The following DSCAML1 variants were observed in gnomAD, a reference collection of about 807,000 sequenced individuals.
DSCAML1 encodes the protein DS cell adhesion molecule like 1.
A neutral mutation model predicts 200.5 loss-of-function variants in DSCAML1; 38 were observed. That is an observed-to-expected ratio of 0.19 (90% CI 0.15 to 0.25). The LOEUF is 0.25. DSCAML1 is among the 10% of genes least tolerant of loss of function. The probability of loss-of-function intolerance (pLI) is 1.00; values close to 1 mark genes in which losing one functional copy is unlikely to be tolerated. For missense variants in DSCAML1, 2,223 were observed against 2,858.8 expected (o/e 0.78, Z 5.07); for synonymous variants, 1,215 against 1,165.0 (o/e 1.04, Z -0.87).
chr11:117,439,688 C>G (rs1031310850), intron 22 of DSCAML1, 131 bp downstream of exon 22: 2 of 909,048 alleles, frequency 2.2e-6, no homozygotes, highest in South Asian at 1.5e-5. Context: ...AGCAGCACAC[C>G]CTGCAGGGCC....
intron 3 of DSCAML1, among the ~76,000 whole-genome samples, chr11:117,692,216 T>G (rs1326109291): frequency 3.3e-5 from 5 of 151,958 alleles, no homozygotes; most frequent in African/African-American, 7.3e-5. Context: ...CTTGGCCGCC[T>G]CCTCCTCTGC....
intron 3 of DSCAML1, among the ~76,000 whole-genome samples, chr11:117,663,399 G>A (rs1430930798): frequency 2.0e-5 from 3 of 152,134 alleles, no homozygotes; most frequent in Non-Finnish European, 4.4e-5. Flanking sequence ...TCCCCCACCA[G>A]TGGTGTCAGT....
At chr11:117,564,221 G>A (rs1004526865) in intron 3 of DSCAML1, among the ~76,000 whole-genome samples, 1 of 152,222 alleles carries the variant, frequency 6.6e-6, no homozygotes, top group Non-Finnish European at 1.5e-5. Flanking sequence ...ATGTACCAGG[G>A]TATGGCAACT....
intron 3 of DSCAML1, among the ~76,000 whole-genome samples, chr11:117,608,640 C>T (rs550482105): frequency 6.6e-5 from 10 of 152,178 alleles, no homozygotes; most frequent in Non-Finnish European, 1.2e-4. Flanking sequence ...TTAAATAATT[C>T]CCCATTGTTG....
chr11:117,812,135 G>A (rs1324720586), intron 1 of DSCAML1, among the ~76,000 whole-genome samples: 12 of 151,992 alleles, frequency 7.9e-5, no homozygotes, highest in Non-Finnish European at 1.5e-4. Context: ...CCTCCTTTGC[G>A]TCCTCCTCTT....
chr11:117,653,512 C>T (rs57625808), intron 3 of DSCAML1, among the ~76,000 whole-genome samples: 1 of 152,124 alleles, frequency 6.6e-6, no homozygotes, highest in Non-Finnish European at 1.5e-5. Flanking sequence ...TGCTTGTAGA[C>T]CCCCGGGCTA....
intron 3 of DSCAML1, among the ~76,000 whole-genome samples, chr11:117,648,893 A>G (rs535199198): frequency 6.6e-6 from 1 of 152,330 alleles, no homozygotes; most frequent in East Asian, 1.9e-4. Context: ...GAATCAGACC[A>G]AAGATGAGGA....
At chr11:117,626,214 T>G (rs61903801) in intron 3 of DSCAML1, among the ~76,000 whole-genome samples, 11 of 89,188 alleles carry the variant, frequency 1.2e-4, no homozygotes, top group African/African-American at 4.0e-4. Context: ...CCCCCCTCCT[T>G]CTTCTGGCAT....
intron 3 of DSCAML1, among the ~76,000 whole-genome samples, chr11:117,654,451 G>A (rs994991739): frequency 1.3e-5 from 2 of 152,178 alleles, no homozygotes; most frequent in Admixed American, 6.5e-5. Context: ...GCACACTATC[G>A]GTCTGCTCTA....
At chr11:117,468,323 T>C (rs1168136079) in intron 16 of DSCAML1, among the ~76,000 whole-genome samples, 2 of 152,104 alleles carry the variant, frequency 1.3e-5, no homozygotes, top group East Asian at 3.8e-4. Flanking sequence ...AAAAATCCCC[T>C]GAGAAGTCAG....
At chr11:117,475,413 C>T (rs2048770487) in intron 14 of DSCAML1, among the ~76,000 whole-genome samples, 1 of 152,198 alleles carries the variant, frequency 6.6e-6, no homozygotes, top group Non-Finnish European at 1.5e-5. Context: ...CATCTGGCTC[C>T]TGCTCACCTC....
intron 3 of DSCAML1, among the ~76,000 whole-genome samples, chr11:117,557,842 G>A (rs1257455179): frequency 9.9e-6 from 1 of 101,332 alleles, no homozygotes; most frequent in Non-Finnish European, 2.2e-5. Flanking sequence ...TTCTCAACGA[G>A]GGGTGATTTT....
At chr11:117,610,850 CCCA>C (rs2051676630) in intron 3 of DSCAML1, among the ~76,000 whole-genome samples, 1 of 149,320 alleles carries the variant, frequency 6.7e-6, no homozygotes, top group African/African-American at 2.5e-5. Flanking sequence ...ACCCCCCCCC[CCCA>C]CAATGTGTTC....
chr11:117,710,493 C>T (rs1260576081), intron 3 of DSCAML1, among the ~76,000 whole-genome samples: 1 of 152,172 alleles, frequency 6.6e-6, no homozygotes, highest in East Asian at 1.9e-4. Context: ...ACGTTAGCAA[C>T]CCACACATGT....
intron 3 of DSCAML1, among the ~76,000 whole-genome samples, chr11:117,699,895 C>T (rs2053639805): frequency 6.6e-6 from 1 of 152,242 alleles, no homozygotes; most frequent in Admixed American, 6.5e-5. Flanking sequence ...TGGGCTTGTC[C>T]TTACCATCAC....
At chr11:117,754,857 C>T (rs2054660696) in intron 3 of DSCAML1, among the ~76,000 whole-genome samples, 1 of 152,134 alleles carries the variant, frequency 6.6e-6, no homozygotes, top group South Asian at 2.1e-4. Flanking sequence ...GCCTACCTGC[C>T]TTCTGTGTGA....
At chr11:117,701,504 C>T (rs2053666132) in intron 3 of DSCAML1, among the ~76,000 whole-genome samples, 3 of 152,168 alleles carry the variant, frequency 2.0e-5, no homozygotes, top group Admixed American at 2.0e-4. Flanking sequence ...GGATGAGATG[C>T]ATCTGGAGGT....
upstream of DSCAML1, among the ~76,000 whole-genome samples, chr11:117,798,604 A>C (rs753033531): frequency 8.5e-5 from 13 of 152,062 alleles, no homozygotes; most frequent in Non-Finnish European, 1.0e-4. Context: ...ATTAAATAAT[A>C]ACTCCCCCTT....
intron 3 of DSCAML1, among the ~76,000 whole-genome samples, chr11:117,679,454 G>GGCTGTGATT: frequency 6.6e-6 from 1 of 152,364 alleles, no homozygotes; most frequent in East Asian, 1.9e-4. Flanking sequence ...TTTGAAACTT[G>GGCTGTGATT]GCTGTGATTG....
Sources: allele counts gnomAD v4.1 joint callset (sites outside exome capture counted in the v4.1 genomes callset), GRCh38; gene constraint gnomAD v4.1.1; transcripts MANE v1.5; gene names NCBI Gene and HGNC (gene_info 2026-07-23, HGNC 2026-07-21).